FREM3: variants seen among roughly 807,000 people sequenced by gnomAD.
FREM3 encodes FRAS1-related extracellular matrix protein 3.
In FREM3, 105 loss-of-function variants were observed where a neutral mutation model predicts 129.1. The observed-to-expected ratio is 0.81, with a 90% CI of 0.69 to 0.96. FREM3 has a LOEUF of 0.96. Among genes scored for constraint, FREM3 ranks in the 40% least tolerant of loss-of-function variants. The pLI is 0.00. For synonymous variants in FREM3, 1,014 were observed against 1,044.9 expected (o/e 0.97, Z 0.57); for missense variants, 2,593 against 2,666.3 (o/e 0.97, Z 0.61).
chr4:143,681,600 C>T (rs1283598030), intron 2 of FREM3, among the ~76,000 whole-genome samples: 3 of 152,082 alleles, frequency 2.0e-5, no homozygotes, highest in Non-Finnish European at 2.9e-5. Flanking sequence ...AGCCTTAGTC[C>T]GGATTACTCA....
intron 2 of FREM3, among the ~76,000 whole-genome samples, chr4:143,668,801 A>G (rs1443714670): frequency 3.3e-5 from 5 of 152,140 alleles, no homozygotes; most frequent in African/African-American, 9.7e-5. Flanking sequence ...AAGCATAGTC[A>G]CTCCTACTTT....
chr4:143,676,758 A>C (rs1313076990), intron 2 of FREM3, among the ~76,000 whole-genome samples: 2 of 152,340 alleles, frequency 1.3e-5, no homozygotes, highest in East Asian at 3.9e-4. Flanking sequence ...AGAAACAAAC[A>C]GACCGCCAAA....
chr4:143,697,010 G>A lies in FREM3; in HGVS notation c.3666C>T (p.Asp1222=), dbSNP rs1315039510. The stretch of plus-strand genomic sequence containing the variant: ...GAAAGTGGAGCTCATTTGGTGGCAG[G>A]TCAGCATCTGCTCCATTAAGCAGCT... ...DTQLLNGADA[D]LPPNELHFQL... The change falls in exon 1 of 8, where the codon GAC becomes GAT. Residue 1222 remains aspartate (D), a synonymous_variant. Transcript: ENST00000329798. 9.1e-6 allele frequency: 14 copies of A among 1,537,616 alleles called. No individual in the cohort carries two copies. Among genetic ancestry groups the A allele is most frequent in the East Asian group, 2.4e-5 (1 of 40,902 alleles).
intron 5 of FREM3, among the ~76,000 whole-genome samples, chr4:143,618,502 C>T (rs1738890932): frequency 6.6e-6 from 1 of 152,132 alleles, no homozygotes; most frequent in East Asian, 1.9e-4. Flanking sequence ...TCTTGCATAT[C>T]TCTTGGTGGA....
intron 2 of FREM3, among the ~76,000 whole-genome samples, chr4:143,666,952 A>G (rs746914482): frequency 1.3e-5 from 2 of 152,160 alleles, no homozygotes; most frequent in Non-Finnish European, 2.9e-5. Context: ...TTAAATGGGC[A>G]AATTGTATGG....
At position 143,696,413 on chromosome 4, in the gene FREM3, G is replaced by A; in HGVS notation, c.4263C>T (p.Asn1421=). 5.2e-6 allele frequency: 8 copies of A among 1,537,566 alleles called. No homozygotes were observed. The highest frequency in any genetic ancestry group is 7.0e-6 in the Non-Finnish European group (8 of 1,146,972). The change falls in exon 1 of 8, where the codon AAC becomes AAT. Residue 1421 remains asparagine, a synonymous_variant. Coordinates refer to ENST00000329798, the MANE Select transcript of FREM3 (RefSeq NM_001168235.2). ...TTACCTCAGGGAAGACGCTGTCTAA[G>A]TTGCCAATGGTGACATAGAAGTAGT... ...TDHYFYVTIG[N]LDSVFPEVIS...
At chr4:143,686,226 AAGAG>A (rs1740361236) in intron 2 of FREM3, among the ~76,000 whole-genome samples, 1 of 152,216 alleles carries the variant, frequency 6.6e-6, no homozygotes, top group African/African-American at 2.4e-5. Flanking sequence ...AGAAGCGACA[AAGAG>A]AGACATTATA....
intron 7 of FREM3, among the ~76,000 whole-genome samples, chr4:143,584,236 T>C (rs1016299259): frequency 1.3e-5 from 2 of 151,750 alleles, no homozygotes; most frequent in Admixed American, 6.6e-5. Flanking sequence ...GGTGAAACCC[T>C]GTCTCTACTA....
At chr4:143,647,770 C>T (rs1259742867) in intron 2 of FREM3, among the ~76,000 whole-genome samples, 1 of 152,122 alleles carries the variant, frequency 6.6e-6, no homozygotes, top group African/African-American at 2.4e-5. Context: ...CAGAAGTTTG[C>T]TGTGGATGTG....
At chr4:143,607,684 C>G (rs1044363560) in intron 6 of FREM3, among the ~76,000 whole-genome samples, 4 of 152,120 alleles carry the variant, frequency 2.6e-5, no homozygotes, top group Non-Finnish European at 5.9e-5. Flanking sequence ...CATTTCATTT[C>G]CACACCAGTC....
At chr4:143,651,594 CA>C (rs1471162336) in intron 2 of FREM3, among the ~76,000 whole-genome samples, 1 of 152,170 alleles carries the variant, frequency 6.6e-6, no homozygotes, top group African/African-American at 2.4e-5. Flanking sequence ...GCTCTAATTT[CA>C]GTGAGTGCTG....
intron 2 of FREM3, among the ~76,000 whole-genome samples, chr4:143,657,775 A>G (rs1416923813): frequency 1.3e-5 from 2 of 152,098 alleles, no homozygotes; most frequent in Non-Finnish European, 2.9e-5. Context: ...AGGTTATAGG[A>G]TTTTCCCAAA....
At chr4:143,614,481 T>G (rs149927913) in intron 5 of FREM3, among the ~76,000 whole-genome samples, 1 of 152,108 alleles carries the variant, frequency 6.6e-6, no homozygotes, top group Non-Finnish European at 1.5e-5. Flanking sequence ...CTTCAAGGAG[T>G]ATAAATTTAT....
At chr4:143,619,925 TA>T (rs1738916921) in intron 5 of FREM3, among the ~76,000 whole-genome samples, 1 of 151,942 alleles carries the variant, frequency 6.6e-6, no homozygotes, top group Non-Finnish European at 1.5e-5. Flanking sequence ...GCTGGAGGAA[TA>T]AATTCTCCCT....
chr4:143,697,897 G>A lies in FREM3; in HGVS notation c.2779C>T (p.Pro927Ser), dbSNP rs1740609194. The stretch of plus-strand genomic sequence containing the variant: ...TGCACAGAAATTGGGATGGTGATGG[G>A]TATATGGTGCACCCCATCACTTACT... ...LEVSDGVHHI[P>S]ITIPISVHPN... The change falls in exon 1 of 8, where the codon CCC becomes TCC. Residue 927 changes from proline to serine, a missense_variant. Pro to Ser is a moderately conservative substitution (Grantham distance 74). This residue lies in a region of FREM3 where 2,276 missense variants were observed against 2,267.2 expected (regional missense o/e 1.00). Coordinates refer to ENST00000329798, the MANE Select transcript of FREM3 (RefSeq NM_001168235.2). 1 of 1,537,914 alleles carries A rather than the reference G, an allele frequency of 6.5e-7. No homozygotes were observed. Among genetic ancestry groups the A allele is most frequent in the Non-Finnish European group, 8.7e-7 (1 of 1,147,066 alleles).
In FREM3 at chr4:143,699,033, G is replaced by A; in HGVS notation, c.1643C>T (p.Thr548Ile). Residue 548 changes from threonine to isoleucine, a missense_variant, in exon 1 of 8, where the codon ACT becomes ATT. Physicochemically the swap from Thr to Ile is moderately conservative, Grantham distance 89 (BLOSUM62 -1). Transcript: ENST00000329798. The surrounding 1 kb of genome is among the most constrained non-coding windows in gnomAD (Gnocchi z 4.2). ...TTCAGTGAGTGAGAGTCCTGTGTTAGTATTGACCATTGGTGGTTCATCATC... is the reference window on the plus strand; with the variant it reads ...TTCAGTGAGTGAGAGTCCTGTGTTAATATTGACCATTGGTGGTTCATCATC... ...PVDDEPPMVN[T>I]NTGLSLTEGQ... The A allele has an allele frequency of 6.5e-7, 1 of 1,537,404 alleles. No individual in the cohort carries two copies. The highest frequency in any genetic ancestry group is 8.7e-7 in the Non-Finnish European group (1 of 1,146,942).
chr4:143,628,164 A>T lies in FREM3; in HGVS notation c.5276-404T>A, dbSNP rs558367664. 8.5e-5 allele frequency among the ~76,000 whole-genome samples: 13 copies of T among 152,090 alleles called. No homozygotes were observed. The East Asian group carries it at 2.5e-3, about 29-fold the overall frequency. ...CTTACTTACTCCTTTATATTATTTG[A>T]GCATCCATTTGATCTCATATTAGTC... On this transcript the variant is annotated intron_variant, in intron 2 of 7. Coordinates refer to ENST00000329798, the MANE Select transcript of FREM3 (RefSeq NM_001168235.2).
At chr4:143,664,157 C>T (rs903122349) in intron 2 of FREM3, among the ~76,000 whole-genome samples, 30 of 152,128 alleles carry the variant, frequency 2.0e-4, no homozygotes, top group African/African-American at 6.3e-4. Context: ...GGAGGAGAGG[C>T]GCTCTGGTTT....
Position 143,623,501 on chromosome 4 carries a change from C to G in FREM3, c.5653+607G>C, listed in dbSNP as rs992009851. On this transcript the variant is annotated intron_variant, in intron 4 of 7. Transcript: ENST00000329798. ...TCAAAGATGAATACTAATCCCCCCCCCCCCCCACCATTTAGGGAATATTCT... is the reference window on the plus strand; with the variant it reads ...TCAAAGATGAATACTAATCCCCCCCGCCCCCCACCATTTAGGGAATATTCT... Among the ~76,000 whole-genome samples the G allele has an allele frequency of 1.1e-3, 153 of 136,364 alleles. 3 individuals are homozygous for G. Among genetic ancestry groups the G allele is most frequent in the African/African-American group, 3.6e-3 (136 of 38,288 alleles). The allele number at this position is 136,364 out of a possible 152,430, so 89.5% of individuals were successfully genotyped here. A position where few individuals can be genotyped will look rare whatever the true frequency, so the allele number is the denominator to read the frequency against.
Sources: allele counts gnomAD v4.1 joint callset (sites outside exome capture counted in the v4.1 genomes callset), GRCh38; gene constraint gnomAD v4.1.1; regional missense constraint gnomAD v4.1.1; non-coding constraint Gnocchi (gnomAD v3.1); transcripts MANE v1.5; gene names NCBI Gene and HGNC (gene_info 2026-07-23, HGNC 2026-07-21).